DMRT1: variants seen among roughly 807,000 people sequenced by gnomAD.
DMRT1 encodes the protein doublesex and mab-3 related transcription factor 1.
DMRT1 carries 7 observed loss-of-function variants against 32.3 expected under a neutral mutation model. That is an observed-to-expected ratio of 0.22 (90% CI 0.12 to 0.41). The LOEUF (loss-of-function observed/expected upper bound fraction) is 0.41, where lower values mean the gene tolerates loss of function less well. Ranked by LOEUF, DMRT1 falls within the 10% of genes least tolerant of loss-of-function variation. The pLI is 1.00. For missense variants in DMRT1, 625 were observed against 500.5 expected, an observed-to-expected ratio of 1.25 and a Z score of -2.37; for synonymous variants, 278 against 206.1, an observed-to-expected ratio of 1.35 and a Z score of -2.99.
chr9:893,809 C>CA (rs1413992084), intron 2 of DMRT1, 103 bp from the exon 3 acceptor site: 1 of 1,064,570 alleles, frequency 9.4e-7, no homozygotes, highest in African/African-American at 1.6e-5. Flanking sequence ...TCTGCATATT[C>CA]AGCTACCTTG....
intron 4 of DMRT1, among the ~76,000 whole-genome samples, chr9:955,214 G>C (rs569528993): frequency 6.6e-6 from 1 of 152,106 alleles, no homozygotes; most frequent in African/African-American, 2.4e-5. Context: ...GTGCTCCTGA[G>C]AGAGGGCAGG....
At chr9:959,788 A>G (rs1458240453) in intron 4 of DMRT1, among the ~76,000 whole-genome samples, 1 of 152,112 alleles carries the variant, frequency 6.6e-6, no homozygotes, top group Non-Finnish European at 1.5e-5. Context: ...TCAGCCTCCC[A>G]AAGTGCTAGG....
rs577518877 is a variant in DMRT1 at position 864,642 on chromosome 9, G to A, written c.538+17499G>A. Among the ~76,000 whole-genome samples the A allele has an allele frequency of 3.3e-5, 5 of 152,098 alleles. No homozygotes were observed. In the South Asian group the frequency reaches 6.2e-4, roughly 19 times the overall value. ...GCCTCCTGAGCAGCTGGGACTACAG[G>A]CGCCCGCCACCACGCCTGGCTAATT... On this transcript the variant is annotated intron_variant, in intron 2 of 4. Coordinates refer to ENST00000382276, the MANE Select transcript of DMRT1 (RefSeq NM_021951.3).
intron 2 of DMRT1, among the ~76,000 whole-genome samples, chr9:885,781 C>G (rs1407454550): frequency 6.6e-6 from 1 of 152,150 alleles, no homozygotes; most frequent in Non-Finnish European, 1.5e-5. Flanking sequence ...TCGCAAGGGA[C>G]CACGCCCACC....
At chr9:937,747 A>T (rs573223443) in intron 4 of DMRT1, among the ~76,000 whole-genome samples, 1 of 152,060 alleles carries the variant, frequency 6.6e-6, no homozygotes, top group East Asian at 1.9e-4. Flanking sequence ...CTGGATACAA[A>T]TCCTTTTAAG....
intron 1 of DMRT1, chr9:842,510 A>T: frequency 2.8e-6 from 1 of 356,574 alleles, no homozygotes; most frequent in South Asian, 3.2e-5. Context: ...TGCTGGGATT[A>T]CAGGCGTGGG....
At chr9:855,559 G>C (rs1045996417) in intron 2 of DMRT1, among the ~76,000 whole-genome samples, 2 of 152,216 alleles carry the variant, frequency 1.3e-5, no homozygotes, top group East Asian at 3.8e-4. Context: ...GTAGACACCA[G>C]AGAATAAAAC....
In DMRT1 at chr9:956,394, C is replaced by T. The variant is rs187429162; in HGVS notation, c.968-11591C>T. ...CTTCAAATGCATGTATTTCACTGAA[C>T]GCTACACTTGAAAATGGTTAAGGGC... On this transcript the variant is annotated intron_variant, in intron 4 of 4. Coordinates refer to ENST00000382276, the MANE Select transcript of DMRT1 (RefSeq NM_021951.3). Among the ~76,000 whole-genome samples the T allele has an allele frequency of 4.0e-3, 610 of 152,034 alleles. 11 individuals carry two copies. The highest frequency in any genetic ancestry group is 0.014 in the African/African-American group (588 of 41,508).
intron 4 of DMRT1, among the ~76,000 whole-genome samples, chr9:967,497 ATAATAG>A (rs1819966924): frequency 6.6e-6 from 1 of 152,198 alleles, no homozygotes; most frequent in Non-Finnish European, 1.5e-5. Flanking sequence ...GCCAAGAGAA[ATAATAG>A]TAAAGTTAAT....
chr9:964,577 A>G (rs928113084), intron 4 of DMRT1, among the ~76,000 whole-genome samples: 2 of 152,022 alleles, frequency 1.3e-5, no homozygotes, highest in African/African-American at 4.8e-5. Context: ...AAATGCTGGG[A>G]GGCTATCAAT....
chr9:871,065 T>C (rs1816226576), intron 2 of DMRT1, among the ~76,000 whole-genome samples: 1 of 152,158 alleles, frequency 6.6e-6, no homozygotes, highest in Non-Finnish European at 1.5e-5. Flanking sequence ...ACCCAAGGTC[T>C]GGCTCTGTTG....
intron 2 of DMRT1, among the ~76,000 whole-genome samples, chr9:882,835 G>A (rs1192312412): frequency 7.0e-6 from 1 of 143,574 alleles, no homozygotes; most frequent in Non-Finnish European, 1.5e-5. Context: ...ACAGTGGCAT[G>A]ATCTCGGCTC....
intron 4 of DMRT1, among the ~76,000 whole-genome samples, chr9:966,579 A>G (rs1456554172): frequency 2.6e-5 from 4 of 152,180 alleles, no homozygotes; most frequent in African/African-American, 4.8e-5. Flanking sequence ...CTGTCTACCC[A>G]TATGTCACAC....
At chr9:870,226 C>G (rs1348151310) in intron 2 of DMRT1, among the ~76,000 whole-genome samples, 1 of 152,042 alleles carries the variant, frequency 6.6e-6, no homozygotes, top group South Asian at 2.1e-4. Context: ...GGTGAAACCC[C>G]GTTTCTACTA....
chr9:944,450 C>T (rs1471792494), intron 4 of DMRT1, among the ~76,000 whole-genome samples: 2 of 152,210 alleles, frequency 1.3e-5, no homozygotes, highest in Non-Finnish European at 2.9e-5. Flanking sequence ...TCACTCCCCT[C>T]TTGCTCCTCC....
At chr9:931,079 TG>T (rs1356293192) in intron 4 of DMRT1, among the ~76,000 whole-genome samples, 2 of 152,246 alleles carry the variant, frequency 1.3e-5, no homozygotes, top group African/African-American at 4.8e-5. Context: ...TGAATTTGCC[TG>T]TTCTGGACTT....
At chr9:910,450 G>A (rs113189738) in intron 3 of DMRT1, among the ~76,000 whole-genome samples, 166 of 151,822 alleles carry the variant, frequency 1.1e-3, no homozygotes, top group African/African-American at 3.9e-3. Context: ...TGGATAGACT[G>A]TTCACTTTGA....
chr9:865,300 T>G (rs2370213), intron 2 of DMRT1, among the ~76,000 whole-genome samples: 2 of 151,892 alleles, frequency 1.3e-5, no homozygotes, highest in South Asian at 4.2e-4. Flanking sequence ...CTCAGTTTCT[T>G]ACCACCTCTC....
At chr9:882,789 A>G (rs1459384503) in intron 2 of DMRT1, among the ~76,000 whole-genome samples, 2 of 120,924 alleles carry the variant, frequency 1.7e-5, no homozygotes, top group Non-Finnish European at 1.6e-5. Context: ...TGTCTGTCTG[A>G]GACAGTCTCA....
Sources: gnomAD v4.1 joint callset for allele counts (sites outside exome capture counted in the v4.1 genomes callset) on GRCh38, gnomAD v4.1.1 for gene constraint, MANE v1.5 for transcripts, NCBI Gene and HGNC (gene_info 2026-07-23, HGNC 2026-07-21) for gene names.